The following LEMD1 variants were observed in gnomAD, a reference collection of about 807,000 sequenced individuals.
LEMD1 encodes LEM domain-containing protein 1.
In LEMD1, 18 loss-of-function variants were observed where a neutral mutation model predicts 17.4. The ratio of observed to expected loss-of-function variants is 1.04; its 90% CI spans 0.72 to 1.54. The LOEUF (loss-of-function observed/expected upper bound fraction) is 1.54, where lower values mean the gene tolerates loss of function less well. Among genes scored for constraint, LEMD1 ranks in the 40% most tolerant of loss-of-function variants. LEMD1 has a pLI of 0.00. For synonymous variants in LEMD1, 88 were observed against 77.8 expected (o/e 1.13, Z -0.69); for missense variants, 195 against 210.4 (o/e 0.93, Z 0.45).
At chr1:205,390,897 C>T (rs971276920) in intron 4 of LEMD1, among the ~76,000 whole-genome samples, 4 of 152,020 alleles carry the variant, frequency 2.6e-5, no homozygotes, top group African/African-American at 9.7e-5. Flanking sequence ...AAGATGGGAA[C>T]AATAAGCAGG....
intron 4 of LEMD1, among the ~76,000 whole-genome samples, chr1:205,394,820 C>T (rs1049101263): frequency 2.0e-5 from 3 of 151,426 alleles, no homozygotes; most frequent in Admixed American, 6.6e-5. Flanking sequence ...AACCCTGTCT[C>T]TACTAAAAAT....
At chr1:205,436,737 C>A (rs1666214095) in intron 1 of LEMD1, 1 of 152,168 alleles carries the variant, frequency 6.6e-6, no homozygotes, top group African/African-American at 2.4e-5. Context: ...ATAGCAGCCA[C>A]CTTCAGGAGG....
At chr1:205,440,775 T>A (rs1352253703) in intron 1 of LEMD1, 2 of 152,518 alleles carry the variant, frequency 1.3e-5, no homozygotes, top group Admixed American at 1.3e-4. Flanking sequence ...AGGAGGCTGA[T>A]GCCCTCGGGT....
chr1:205,413,268 A>T (rs1223366222), intron 4 of LEMD1, among the ~76,000 whole-genome samples: 1 of 152,126 alleles, frequency 6.6e-6, no homozygotes, highest in Non-Finnish European at 1.5e-5. Flanking sequence ...AGGATAAAAT[A>T]TCATTTTATT....
chr1:205,403,602 A>G (rs1664954476), intron 4 of LEMD1, among the ~76,000 whole-genome samples: 1 of 150,642 alleles, frequency 6.6e-6, no homozygotes, highest in Non-Finnish European at 1.5e-5. Flanking sequence ...TTTTTTCTTT[A>G]TTAGTCTTGC....
chr1:205,438,921 C>T (rs1666251007), intron 1 of LEMD1, among the ~76,000 whole-genome samples: 1 of 152,190 alleles, frequency 6.6e-6, no homozygotes, highest in South Asian at 2.1e-4. Flanking sequence ...CTCTCCTCGG[C>T]CACCCGCTCC....
At chr1:205,427,031 C>G (rs528341267), upstream of LEMD1, among the ~76,000 whole-genome samples, 6 of 152,154 alleles carry the variant, frequency 3.9e-5, no homozygotes, top group East Asian at 1.2e-3. Context: ...CCTTAAGAGG[C>G]AATTTCAGAG....
intron 4 of LEMD1, among the ~76,000 whole-genome samples, chr1:205,389,037 C>CTTTTTTTTTTTTTTTTTTTTTTTTTTTT (rs61341380): frequency 1.3e-5 from 1 of 77,828 alleles, no homozygotes. Context: ...CATTTGCTTT[C>CTTTTTTTTTTTTTTTTTTTTTTTTTTTT]TTTTTTTTTT....
chr1:205,406,815 C>T (rs1574972820), intron 4 of LEMD1, among the ~76,000 whole-genome samples: 1 of 152,212 alleles, frequency 6.6e-6, no homozygotes, highest in East Asian at 1.9e-4. Context: ...ACGCTGGGAG[C>T]TGTAGACAGG....
At chr1:205,408,228 A>ATCT (rs1558724921) in intron 4 of LEMD1, among the ~76,000 whole-genome samples, 3 of 152,106 alleles carry the variant, frequency 2.0e-5, no homozygotes, top group Non-Finnish European at 4.4e-5. Context: ...GTGGTTATGT[A>ATCT]GGAGAGTGTC....
chr1:205,444,724 G>C (rs1437008935), intron 1 of LEMD1, among the ~76,000 whole-genome samples: 1 of 152,162 alleles, frequency 6.6e-6, no homozygotes, highest in East Asian at 1.9e-4. Flanking sequence ...AGAGTGGGCG[G>C]CAGCGGGGGT....
Position 205,441,936 on chromosome 1 carries a change from GAA to G in LEMD1, c.-39+7930_-39+7931del, listed in dbSNP as rs1321561484. Among the ~76,000 whole-genome samples the G allele has an allele frequency of 6.6e-6, 1 of 152,196 alleles. No homozygotes were observed. Among genetic ancestry groups the G allele is most frequent in the Non-Finnish European group, 1.5e-5 (1 of 68,036 alleles). ...TGGTATCTGTTGCAGTCTGGCTGGG[GAA>G]GAGAGGGAGCTTCAGGAGCTCAGCT... On this transcript the variant is annotated intron_variant, in intron 1 of 3. Transcript: ENST00000367154. The surrounding 1 kb of genome is among the most constrained non-coding windows in gnomAD (Gnocchi z 4.3).
At chr1:205,397,774 A>G (rs1362263330) in intron 4 of LEMD1, among the ~76,000 whole-genome samples, 3 of 152,220 alleles carry the variant, frequency 2.0e-5, no homozygotes, top group Non-Finnish European at 4.4e-5. Context: ...CTCACAAAGC[A>G]AAGTATAATT....
intron 4 of LEMD1, among the ~76,000 whole-genome samples, chr1:205,412,871 C>T (rs144337746): frequency 4.5e-4 from 68 of 152,320 alleles, no homozygotes; most frequent in African/African-American, 1.6e-3. Context: ...CTAGCTGATG[C>T]ATTTGCCATA....
At chr1:205,435,606 T>C (rs570990988) in intron 1 of LEMD1, 318 of 152,336 alleles carry the variant, frequency 2.1e-3, no homozygotes, top group African/African-American at 7.4e-3. Context: ...CAAATTTAAT[T>C]ATCTATCCCC....
intron 1 of LEMD1, among the ~76,000 whole-genome samples, chr1:205,446,186 T>G (rs989249468): frequency 2.0e-5 from 3 of 152,206 alleles, no homozygotes; most frequent in Non-Finnish European, 4.4e-5. Context: ...TCATGTGAAA[T>G]ATACAATCAC....
upstream of LEMD1, among the ~76,000 whole-genome samples, chr1:205,422,209 G>C (rs1218012416): frequency 2.0e-5 from 3 of 152,196 alleles, no homozygotes; most frequent in Non-Finnish European, 4.4e-5. Flanking sequence ...GGAGGTACTG[G>C]TTGACTTCAT....
At chr1:205,438,922 C>T (rs1426715114) in intron 1 of LEMD1, among the ~76,000 whole-genome samples, 2 of 152,044 alleles carry the variant, frequency 1.3e-5, no homozygotes, top group Admixed American at 6.5e-5. Context: ...TCTCCTCGGC[C>T]ACCCGCTCCC....
chr1:205,388,430 C>T (rs550868989), intron 4 of LEMD1, among the ~76,000 whole-genome samples: 165 of 152,272 alleles, frequency 1.1e-3, no homozygotes, highest in African/African-American at 3.8e-3. Context: ...ACCTTGTGAT[C>T]CAACTGCCTC....
Sources: gnomAD v4.1 joint callset for allele counts (sites outside exome capture counted in the v4.1 genomes callset) on GRCh38, gnomAD v4.1.1 for gene constraint, Gnocchi (gnomAD v3.1) non-coding constraint, MANE v1.5 for transcripts, NCBI Gene and HGNC (gene_info 2026-07-23, HGNC 2026-07-21) for gene names.